TYRO3: variants seen among roughly 807,000 people sequenced by gnomAD.
The protein encoded by TYRO3 is TYRO3 protein tyrosine kinase.
Under a neutral mutation model 95.2 loss-of-function variants are expected in TYRO3, and 38 were observed. The ratio of observed to expected loss-of-function variants is 0.40; its 90% CI spans 0.31 to 0.52. The LOEUF is 0.52. Among genes scored for constraint, TYRO3 ranks in the 20% least tolerant of loss-of-function variants. TYRO3 has a pLI of 0.56. For missense variants in TYRO3, 812 were observed against 1,116.4 expected (o/e 0.73, Z 3.89); for synonymous variants, 367 against 432.9 (o/e 0.85, Z 1.89).
chr15:41,561,764 TC>T, intron 3 of TYRO3, 125 bp downstream of exon 3: 4 of 686,298 alleles, frequency 5.8e-6, no homozygotes, highest in Non-Finnish European at 9.5e-6. Flanking sequence ...GGCCTGGTTG[TC>T]CAGGCTGTAG....
intron 3 of TYRO3, 126 bp from the exon 4 acceptor site, chr15:41,562,422 A>G (rs1317273575): frequency 1.1e-6 from 1 of 916,746 alleles, no homozygotes; most frequent in African/African-American, 1.7e-5. Flanking sequence ...TCTGCTGTTG[A>G]CCTAATCATA....
At chr15:41,572,406 C>T in intron 14 of TYRO3, 37 bp from the exon 15 acceptor site, 1 of 1,472,416 alleles carries the variant, frequency 6.8e-7, no homozygotes. Context: ...GCCCCTTGAC[C>T]CTTCTATGCT....
chr15:41,566,657 G>A (rs1046545439), intron 6 of TYRO3, among the ~76,000 whole-genome samples: 2 of 152,314 alleles, frequency 1.3e-5, no homozygotes, highest in African/African-American at 4.8e-5. Context: ...GTCCACGCCT[G>A]TGCACATGAG....
rs73391117 is a variant in TYRO3 at position 41,561,854 on chromosome 15, C to T, written c.409+215C>T. 2.1e-3 allele frequency: 944 copies of T among 446,592 alleles called. 20 individuals are homozygous for T. The highest frequency in any genetic ancestry group is 0.018 in the African/African-American group (873 of 48,980). The allele number at this position is 446,592 out of a possible 1,614,324, so 27.7% of individuals were successfully genotyped here. ...CAAGGGACCAACTGGGATCCACAAC[C>T]TGTGGGGTGCAGTCTGTTTCCGTTG... is the stretch of plus-strand genomic sequence containing the variant. On this transcript the variant is annotated intron_variant, in intron 3 of 18. Coordinates refer to ENST00000263798, the MANE Select transcript of TYRO3 (RefSeq NM_006293.4).
chr15:41,567,636 C>G lies in TYRO3; in HGVS notation c.961+99C>G, dbSNP rs959169774. 1.6e-5 allele frequency: 18 copies of G among 1,153,568 alleles called. No homozygotes were observed. In the African/African-American group the frequency reaches 2.7e-4, roughly 17 times the overall value. The allele number at this position is 1,153,568 out of a possible 1,614,324, so 71.5% of individuals were successfully genotyped here. ...AATGGTGCTGGTAGAGATGGAGGTT[C>G]AGGCATCATTCGGCAAACATTTACT... On this transcript the variant is annotated intron_variant, in intron 7 of 18. Coordinates refer to ENST00000263798, the MANE Select transcript of TYRO3 (RefSeq NM_006293.4).
At chr15:41,559,428 G>C (rs1039391729) in intron 1 of TYRO3, 47 bp downstream of exon 1, 2 of 237,832 alleles carry the variant, frequency 8.4e-6, no homozygotes, top group Non-Finnish European at 1.7e-5. Flanking sequence ...GCTGCGGAGG[G>C]GCGCGGCCGG....
At chr15:41,573,908 T>G in intron 18 of TYRO3, 93 bp downstream of exon 18, 4 of 1,227,742 alleles carry the variant, frequency 3.3e-6, no homozygotes, top group Non-Finnish European at 4.4e-6. Context: ...TGGACCTTTG[T>G]TTTTTGATAG....
intron 6 of TYRO3, among the ~76,000 whole-genome samples, chr15:41,565,417 CT>C (rs200236338): frequency 1.6e-3 from 231 of 145,878 alleles, no homozygotes; most frequent in African/African-American, 3.1e-3. Flanking sequence ...TTCTTTCTTT[CT>C]TTTTTTTTTT....
In TYRO3 at chr15:41,567,415, C is replaced by T; in HGVS notation, c.839C>T (p.Pro280Leu). The T allele has an allele frequency of 1.2e-6, 2 of 1,609,692 alleles. No homozygotes were observed. The highest frequency in any genetic ancestry group is 1.7e-6 in the Non-Finnish European group (2 of 1,178,536). ...CTGGCTGTTGTGGTCCCTGTGCCCC[C>T]CTTTACCTGCCTGCTCCGGGACCTG... ...EVLAVVVPVPPFTCLLRDLVP... is the reference protein window; with the variant it reads ...EVLAVVVPVPLFTCLLRDLVP... Residue 280 changes from proline to leucine, a missense_variant, in exon 7 of 19, where the codon CCC becomes CTC. Coordinates refer to ENST00000263798, the MANE Select transcript of TYRO3 (RefSeq NM_006293.4).
intron 15 of TYRO3, 40 bp downstream of exon 15, chr15:41,572,604 G>A (rs2055811819): frequency 3.0e-6 from 4 of 1,314,214 alleles, no homozygotes; most frequent in South Asian, 1.3e-5. Context: ...GGAAACGGGT[G>A]GGAACACAGG....
At chr15:41,573,925 C>T (rs762618015) in intron 18 of TYRO3, 110 bp downstream of exon 18, 4 of 1,115,240 alleles carry the variant, frequency 3.6e-6, no homozygotes, top group Non-Finnish European at 5.0e-6. Flanking sequence ...ATAGAAACAT[C>T]CTTGTAGTTG....
intron 14 of TYRO3, 90 bp downstream of exon 14, chr15:41,571,777 G>C: frequency 5.2e-6 from 3 of 573,536 alleles, no homozygotes; most frequent in Admixed American, 5.3e-5. Flanking sequence ...AGAGACTTTT[G>C]GACTCATCTG....
At chr15:41,562,435 G>A in intron 3 of TYRO3, 113 bp from the exon 4 acceptor site, 1 of 1,023,868 alleles carries the variant, frequency 9.8e-7, no homozygotes, top group Non-Finnish European at 1.4e-6. Context: ...TAATCATAAG[G>A]GGCCTGTGGG....
chr15:41,559,464 C>T, intron 1 of TYRO3, 83 bp downstream of exon 1: 2 of 185,724 alleles, frequency 1.1e-5, no homozygotes, highest in Non-Finnish European at 2.2e-5. Flanking sequence ...GCGGGCCTGG[C>T]GGGCTGGAGT....
intron 8 of TYRO3, 47 bp from the exon 9 acceptor site, chr15:41,568,831 C>T (rs1345254443): frequency 6.3e-7 from 1 of 1,591,712 alleles, no homozygotes; most frequent in South Asian, 1.1e-5. Flanking sequence ...CAGCTGGAGG[C>T]CTTCTCCCCA....
chr15:41,570,471 T>C, intron 11 of TYRO3, 131 bp downstream of exon 11: 1 of 1,374,176 alleles, frequency 7.3e-7, no homozygotes, highest in Non-Finnish European at 1.0e-6. Flanking sequence ...TCTGCCTGTG[T>C]GGAGTTCACC....
At position 41,579,959 on chromosome 15, in the gene TYRO3, G is replaced by T. The variant is rs1054910865; in HGVS notation, c.*1683G>T. On this transcript the variant is annotated 3_prime_UTR_variant, in exon 19 of 19. Coordinates refer to ENST00000263798, the MANE Select transcript of TYRO3 (RefSeq NM_006293.4). Reference sequence around the variant, plus strand: ...TTTTTAGTAGAGATAGGGTTTCACCGTATTAGCCAGGATGATCTCAATCTC... The same window carrying T: ...TTTTTAGTAGAGATAGGGTTTCACCTTATTAGCCAGGATGATCTCAATCTC... 1 of 151,384 alleles carries T rather than the reference G, an allele frequency of 6.6e-6. No homozygotes were observed. The highest frequency in any genetic ancestry group is 2.4e-5 in the African/African-American group (1 of 41,186). 9.4% of individuals were successfully genotyped at this position (151,384 alleles called of 1,614,324 possible).
At chr15:41,574,626 A>T (rs778995386) in intron 18 of TYRO3, 149 of 455,958 alleles carry the variant, frequency 3.3e-4, no homozygotes, top group Admixed American at 1.6e-4. Flanking sequence ...TTAACTCTTT[A>T]TGACAACAAC....
chr15:41,568,408 C>G, intron 8 of TYRO3, 46 bp downstream of exon 8: 1 of 1,568,356 alleles, frequency 6.4e-7, no homozygotes, highest in Non-Finnish European at 8.7e-7. Context: ...GAGTATAAGC[C>G]TTCAGGGTTC....
Sources: allele counts gnomAD v4.1 joint callset (sites outside exome capture counted in the v4.1 genomes callset), GRCh38; gene constraint gnomAD v4.1.1; transcripts MANE v1.5; gene names NCBI Gene and HGNC (gene_info 2026-07-23, HGNC 2026-07-21).